The following GFPT1 variants were observed in gnomAD, a reference collection of about 807,000 sequenced individuals.
GFPT1 encodes glutamine--fructose-6-phosphate transaminase 1, also known as glutamine--fructose-6-phosphate aminotransferase [isomerizing] 1.
Under a neutral mutation model 92.0 loss-of-function variants are expected in GFPT1, and 40 were observed. The ratio of observed to expected loss-of-function variants is 0.43; its 90% CI spans 0.34 to 0.57. GFPT1 has a LOEUF of 0.57. Ranked by LOEUF, GFPT1 falls within the 20% of genes least tolerant of loss-of-function variation. The pLI, the probability that GFPT1 is intolerant of heterozygous loss-of-function variation, is 0.02. For missense variants in GFPT1, 448 were observed against 869.1 expected (o/e 0.52, Z 6.09); for synonymous variants, 269 against 280.6 (o/e 0.96, Z 0.41).
chr2:69,344,186 CAAAAAA>C (rs10602884), intron 12 of GFPT1, among the ~76,000 whole-genome samples: 4 of 64,498 alleles, frequency 6.2e-5, no homozygotes, highest in African/African-American at 2.6e-4. Context: ...AAAAGCAAAG[CAAAAAA>C]AAAAAAAAAA....
At chr2:69,327,129 C>CTATA (rs1384772829) in intron 18 of GFPT1, 54 bp from the exon 19 acceptor site, 1 of 1,553,134 alleles carries the variant, frequency 6.4e-7, no homozygotes, top group Non-Finnish European at 8.9e-7. Flanking sequence ...AAAGGCAGGG[C>CTATA]TATAGCTTAC....
chr2:69,335,472 G>A (rs1295064665), intron 15 of GFPT1, among the ~76,000 whole-genome samples: 1 of 152,084 alleles, frequency 6.6e-6, no homozygotes, highest in Non-Finnish European at 1.5e-5. Context: ...TAAGTCAATG[G>A]CATCCATCCA....
At position 69,367,603 on chromosome 2, in the gene GFPT1, C is replaced by T. The variant is rs1013703918; in HGVS notation, c.223+2398G>A. 1.4e-4 allele frequency among the ~76,000 whole-genome samples: 22 copies of T among 152,288 alleles called. No homozygotes were observed. In the South Asian group the frequency reaches 3.7e-3, roughly 26 times the overall value. ...CTCAAACACCAGAGCTCAGGCAATC[C>T]GCCCACCTCGGCCTCCCAAAGTGCC... On this transcript the variant is annotated intron_variant, in intron 3 of 19. Coordinates refer to ENST00000357308, the MANE Select transcript of GFPT1 (RefSeq NM_001244710.2).
Position 69,346,898 on chromosome 2 carries a change from AGTTTT to A in GFPT1, c.1010-904_1010-900del, listed in dbSNP as rs144737381. ...GCACACACTACCATGCCCGGCTCAT[AGTTTT>A]GTTTTGTTTTGTTTTGTTTTGTTTG... is the stretch of plus-strand genomic sequence containing the variant. On this transcript the variant is annotated intron_variant, in intron 11 of 19. Coordinates refer to ENST00000357308, the MANE Select transcript of GFPT1 (RefSeq NM_001244710.2). Among the ~76,000 whole-genome samples the A allele has an allele frequency of 2.5e-4, 38 of 150,974 alleles. 1 individual carries two copies. Among genetic ancestry groups the A allele is most frequent in the East Asian group, 5.9e-4 (3 of 5,112 alleles).
At chr2:69,355,740 T>C (rs1671320542) in intron 7 of GFPT1, among the ~76,000 whole-genome samples, 1 of 152,184 alleles carries the variant, frequency 6.6e-6, no homozygotes, top group Non-Finnish European at 1.5e-5. Flanking sequence ...TAAAAATATC[T>C]CTCTTACCAT....
chr2:69,326,258 C>G, intron 19 of GFPT1, 25 bp from the exon 20 acceptor site: 2 of 1,448,246 alleles, frequency 1.4e-6, no homozygotes, highest in East Asian at 4.6e-5. Context: ...AAAAAAAAAG[C>G]AAGATTTGAG....
At chr2:69,382,708 C>T (rs1053326590) in intron 1 of GFPT1, among the ~76,000 whole-genome samples, 2 of 152,102 alleles carry the variant, frequency 1.3e-5, no homozygotes, top group Non-Finnish European at 2.9e-5. Context: ...AAACTATTTC[C>T]GCCTCCATTC....
At chr2:69,356,236 C>T (rs1671334721) in intron 7 of GFPT1, among the ~76,000 whole-genome samples, 1 of 152,040 alleles carries the variant, frequency 6.6e-6, no homozygotes, top group South Asian at 2.1e-4. Context: ...TCAGATGATC[C>T]GCCTGCCTCG....
At chr2:69,349,951 T>C (rs1259989111) in intron 10 of GFPT1, 127 bp downstream of exon 10, 12 of 721,366 alleles carry the variant, frequency 1.7e-5, no homozygotes, top group Non-Finnish European at 2.2e-5. Flanking sequence ...AATGGTCACC[T>C]GTATTTCTTT....
chr2:69,327,033 T>C lies in GFPT1; in HGVS notation c.1936A>G (p.Ile646Val), dbSNP rs1574039131. The C allele has an allele frequency of 6.2e-7, 1 of 1,614,146 alleles. No homozygotes were observed. Among genetic ancestry groups the C allele is most frequent in the Admixed American group, 1.7e-5 (1 of 60,016 alleles). Residue 646 changes from isoleucine (I) to valine (V), a missense_variant, in exon 19 of 20, where the codon ATT becomes GTT. Around this residue, in one of 7 missense-constraint regions of GFPT1, gnomAD observed 55 missense variants for 98.8 expected, o/e 0.56. Coordinates refer to ENST00000357308, the MANE Select transcript of GFPT1 (RefSeq NM_001244710.2). Reference sequence around the variant, plus strand: ...TTGATCGTTCTTTTTGTGTTCTTAATGGTCTCAGTATCCTCCTTATCACAA... The same window carrying C: ...TTGATCGTTCTTTTTGTGTTCTTAACGGTCTCAGTATCCTCCTTATCACAA... ...VICDKEDTET[I>V]KNTKRTIKVP...
At chr2:69,351,864 G>A (rs1048770230) in intron 9 of GFPT1, among the ~76,000 whole-genome samples, 17 of 152,192 alleles carry the variant, frequency 1.1e-4, no homozygotes, top group African/African-American at 3.4e-4. Context: ...GGACCTTATT[G>A]AGTGATGAAA....
chr2:69,344,186 CAAAAAAAAAAA>C (rs10602884), intron 12 of GFPT1, among the ~76,000 whole-genome samples: 4 of 64,520 alleles, frequency 6.2e-5, no homozygotes, highest in African/African-American at 1.3e-4. Flanking sequence ...AAAAGCAAAG[CAAAAAAAAAAA>C]AAAAAAAAAA....
At chr2:69,360,410 C>T (rs1396051185) in intron 4 of GFPT1, among the ~76,000 whole-genome samples, 1 of 148,620 alleles carries the variant, frequency 6.7e-6, no homozygotes, top group African/African-American at 2.5e-5. Context: ...AAAATTACTG[C>T]TAAATTAAAT....
chr2:69,385,680 T>C (rs1305441169), intron 1 of GFPT1, among the ~76,000 whole-genome samples: 1 of 152,082 alleles, frequency 6.6e-6, no homozygotes, highest in African/African-American at 2.4e-5. Flanking sequence ...TGAAGCACAC[T>C]GGAGATTGAC....
At chr2:69,345,488 C>T (rs1671061685) in intron 12 of GFPT1, among the ~76,000 whole-genome samples, 1 of 152,168 alleles carries the variant, frequency 6.6e-6, no homozygotes, top group African/African-American at 2.4e-5. Flanking sequence ...GTCCCTGGTA[C>T]ACAGTGGGTG....
chr2:69,367,612 C>T (rs1197682330), intron 3 of GFPT1, among the ~76,000 whole-genome samples: 2 of 152,140 alleles, frequency 1.3e-5, no homozygotes, highest in Non-Finnish European at 2.9e-5. Context: ...CCGCCCACCT[C>T]GGCCTCCCAA....
intron 1 of GFPT1, among the ~76,000 whole-genome samples, chr2:69,374,932 T>C (rs1205143283): frequency 1.3e-5 from 2 of 152,334 alleles, no homozygotes; most frequent in African/African-American, 4.8e-5. Flanking sequence ...TCTTAAAAGA[T>C]AATTGCTTGA....
chr2:69,326,246 A>C lies in GFPT1; in HGVS notation c.2056-13T>G. The C allele has an allele frequency of 6.7e-7, 1 of 1,486,058 alleles. No homozygotes were observed. The allele number at this position is 1,486,058 out of a possible 1,614,324, so 92.1% of individuals were successfully genotyped here. The stretch of plus-strand genomic sequence containing the variant: ...GTGGGAAATCAACCTGCAAAAAGAA[A>C]AAAAAAAAAAGCAAGATTTGAGAGA... On this transcript the variant is annotated splice_polypyrimidine_tract_variant and intron_variant, in intron 19 of 19. Transcript: ENST00000357308.
intron 4 of GFPT1, 31 bp from the exon 5 acceptor site, chr2:69,359,357 AAGTT>A (rs750437052): frequency 7.8e-7 from 1 of 1,278,796 alleles, no homozygotes; most frequent in South Asian, 1.2e-5. Context: ...GAAGACAAAA[AAGTT>A]AGAAGTATGA....
Sources: allele counts gnomAD v4.1 joint callset (sites outside exome capture counted in the v4.1 genomes callset), GRCh38; gene constraint gnomAD v4.1.1; regional missense constraint gnomAD v4.1.1; transcripts MANE v1.5; gene names NCBI Gene and HGNC (gene_info 2026-07-23, HGNC 2026-07-21).